The following DLC1 variants were observed in gnomAD, a reference collection of about 807,000 sequenced individuals.
DLC1 encodes the protein DLC1 Rho GTPase activating protein.
A neutral mutation model predicts 140.3 loss-of-function variants in DLC1; 54 were observed. The ratio of observed to expected loss-of-function variants is 0.38; its 90% CI spans 0.31 to 0.48. DLC1 has a LOEUF of 0.48. Ranked by LOEUF, DLC1 falls within the 20% of genes least tolerant of loss-of-function variation. DLC1 has a pLI of 0.96. For missense variants in DLC1, 2,536 were observed against 1,907.0 expected, an observed-to-expected ratio of 1.33 and a Z score of -6.14; for synonymous variants, 986 against 728.1, an observed-to-expected ratio of 1.35 and a Z score of -5.70.
At chr8:13,094,475 G>A (rs536202928) in intron 12 of DLC1, among the ~76,000 whole-genome samples, 3 of 152,192 alleles carry the variant, frequency 2.0e-5, no homozygotes, top group South Asian at 2.1e-4. Context: ...AGACCATCCT[G>A]GCCAATATGG....
chr8:13,129,177 A>T (rs1319654827), intron 5 of DLC1, among the ~76,000 whole-genome samples: 1 of 152,210 alleles, frequency 6.6e-6, no homozygotes, highest in Non-Finnish European at 1.5e-5. Flanking sequence ...CAACGCAGTA[A>T]CTCATTCCTA....
chr8:13,414,341 C>G (rs1303547226), intron 2 of DLC1, among the ~76,000 whole-genome samples: 3 of 152,134 alleles, frequency 2.0e-5, no homozygotes, highest in Non-Finnish European at 2.9e-5. Flanking sequence ...TGTGTATAGA[C>G]AATTTATCTT....
intron 2 of DLC1, among the ~76,000 whole-genome samples, chr8:13,413,920 C>G (rs754389284): frequency 2.0e-5 from 3 of 152,062 alleles, no homozygotes; most frequent in Admixed American, 6.6e-5. Flanking sequence ...TCCTTGGGAG[C>G]TGAATGTGGA....
At chr8:13,359,889 A>G (rs868596768) in intron 4 of DLC1, among the ~76,000 whole-genome samples, 1 of 152,220 alleles carries the variant, frequency 6.6e-6, no homozygotes, top group African/African-American at 2.4e-5. Flanking sequence ...ATGGAATGAA[A>G]ATCATAAATG....
intron 5 of DLC1, among the ~76,000 whole-genome samples, chr8:13,222,361 C>T (rs1828599126): frequency 6.6e-6 from 1 of 152,118 alleles, no homozygotes. Context: ...AGCTATTCTG[C>T]TAAAAGTGTT....
intron 5 of DLC1, among the ~76,000 whole-genome samples, chr8:13,249,887 A>G (rs545918061): frequency 6.6e-6 from 1 of 152,228 alleles, no homozygotes; most frequent in Admixed American, 6.5e-5. Context: ...CTTCCTTCAC[A>G]CACTTGCCCA....
Position 13,317,945 on chromosome 8 carries a change from G to A in DLC1, c.1315-12643C>T, listed in dbSNP as rs142181286. Among the ~76,000 whole-genome samples, 15 of 152,280 alleles carry A rather than the reference G, an allele frequency of 9.9e-5. No homozygotes were observed. In the East Asian group the frequency reaches 1.7e-3, roughly 18 times the overall value. The stretch of plus-strand genomic sequence containing the variant: ...AGGCAACACTTACTTAGTGGTCACT[G>A]TAACTCTGTACTTGTTCTATGCCAG... On this transcript the variant is annotated intron_variant, in intron 4 of 17. Transcript: ENST00000276297.
intron 2 of DLC1, among the ~76,000 whole-genome samples, chr8:13,403,807 GTTTTTTTTTTTT>G (rs369715973): frequency 2.3e-5 from 2 of 87,296 alleles, no homozygotes; most frequent in South Asian, 9.9e-4. Flanking sequence ...AGGTCTGGCT[GTTTTTTTTTTTT>G]TTTTTTTTTT....
intron 4 of DLC1, among the ~76,000 whole-genome samples, chr8:13,376,631 G>T (rs1328874083): frequency 3.3e-5 from 5 of 152,086 alleles, no homozygotes; most frequent in Non-Finnish European, 5.9e-5. Flanking sequence ...TTGATTTTTT[G>T]GATTTATAAG....
At chr8:13,513,997 A>T (rs1004461282) in intron 1 of DLC1, among the ~76,000 whole-genome samples, 5 of 152,110 alleles carry the variant, frequency 3.3e-5, no homozygotes, top group Non-Finnish European at 7.4e-5. Context: ...ATTAAATACT[A>T]TTTAGGACAG....
rs143870242 is a variant in DLC1 at position 13,308,267 on chromosome 8, C to A, written c.1315-2965G>T. Among the ~76,000 whole-genome samples, 381 of 152,312 alleles carry A rather than the reference C, an allele frequency of 2.5e-3. 4 individuals carry two copies. The highest frequency in any genetic ancestry group is 0.018 in the Admixed American group (280 of 15,304). ...CCAATTACGTTAGAATGTCACCACA[C>A]TCTGCATGACTTTTAAGCTACCAAA... is the stretch of plus-strand genomic sequence containing the variant. On this transcript the variant is annotated intron_variant, in intron 4 of 17. Transcript: ENST00000276297.
At chr8:13,307,231 T>G (rs1420819537) in intron 4 of DLC1, among the ~76,000 whole-genome samples, 1 of 152,110 alleles carries the variant, frequency 6.6e-6, no homozygotes, top group Non-Finnish European at 1.5e-5. Context: ...CTCCGCATGC[T>G]TCCAAAGATG....
At chr8:13,235,648 T>C (rs1829240690) in intron 5 of DLC1, among the ~76,000 whole-genome samples, 2 of 152,064 alleles carry the variant, frequency 1.3e-5, no homozygotes, top group South Asian at 2.1e-4. Flanking sequence ...AGGGTAACTA[T>C]AGAGCTTTTT....
chr8:13,237,741 A>G (rs1055085696), intron 5 of DLC1, among the ~76,000 whole-genome samples: 4 of 151,994 alleles, frequency 2.6e-5, no homozygotes, highest in Non-Finnish European at 5.9e-5. Flanking sequence ...AGCTTTTTCT[A>G]TTGTTCAGGT....
At chr8:13,401,090 A>G (rs922019899) in intron 3 of DLC1, among the ~76,000 whole-genome samples, 1 of 152,192 alleles carries the variant, frequency 6.6e-6, no homozygotes, top group East Asian at 1.9e-4. Context: ...CTATAATAAG[A>G]TTCTTCTATA....
chr8:13,138,160 G>T (rs1213930299), intron 5 of DLC1, among the ~76,000 whole-genome samples: 1 of 152,126 alleles, frequency 6.6e-6, no homozygotes, highest in Admixed American at 6.5e-5. Context: ...GCACTGACAG[G>T]CACTTAGGCA....
intron 1 of DLC1, among the ~76,000 whole-genome samples, chr8:13,545,997 C>T (rs532008146): frequency 9.2e-5 from 14 of 152,118 alleles, no homozygotes; most frequent in African/African-American, 1.2e-4. Context: ...TTATTAGATA[C>T]GTGCGTTGGC....
intron 4 of DLC1, among the ~76,000 whole-genome samples, chr8:13,348,427 A>T (rs189720644): frequency 5.3e-5 from 8 of 152,296 alleles, no homozygotes; most frequent in African/African-American, 1.9e-4. Context: ...AAATTTAAAC[A>T]TGTGACATTG....
intron 7 of DLC1, among the ~76,000 whole-genome samples, chr8:13,107,542 T>C (rs921792259): frequency 6.6e-6 from 1 of 152,158 alleles, no homozygotes; most frequent in African/African-American, 2.4e-5. Context: ...CAAAAGTCTA[T>C]AAAAAGTCTG....
Sources: allele counts gnomAD v4.1 joint callset (sites outside exome capture counted in the v4.1 genomes callset), GRCh38; gene constraint gnomAD v4.1.1; transcripts MANE v1.5; gene names NCBI Gene and HGNC (gene_info 2026-07-23, HGNC 2026-07-21).